TTN: variants seen among roughly 807,000 people sequenced by gnomAD.
The protein encoded by TTN is titin.
A neutral mutation model predicts 3,223.0 loss-of-function variants in TTN; 1,525 were observed. That is an observed-to-expected ratio of 0.47 (90% CI 0.45 to 0.49). The LOEUF is 0.49. Among genes scored for constraint, TTN ranks in the 20% least tolerant of loss-of-function variants. The probability of loss-of-function intolerance (pLI) is 0.00; values close to 1 mark genes in which losing one functional copy is unlikely to be tolerated. For synonymous variants in TTN, 14,094 were observed against 15,161.0 expected (o/e 0.93, Z 5.17); for missense variants, 40,786 against 43,424.0 (o/e 0.94, Z 5.40).
intron 151 of TTN, 78 bp downstream of exon 151, chr2:178,674,236 T>C: frequency 1.2e-6 from 1 of 820,252 alleles, no homozygotes; most frequent in South Asian, 1.5e-5. Context: ...AGCATACTGG[T>C]GAATCTTAGA....
Position 178,733,761 on chromosome 2 carries a change from C to G in TTN, c.15628G>C (p.Glu5210Gln). The G allele has an allele frequency of 6.2e-7, 1 of 1,613,848 alleles. No individual in the cohort carries two copies. Among genetic ancestry groups the G allele is most frequent in the Non-Finnish European group, 8.5e-7 (1 of 1,179,782 alleles). The change falls in exon 53 of 363, where the codon GAA (glutamate) becomes CAA (glutamine). Residue 5210 changes from glutamate to glutamine, a missense_variant. Coordinates refer to ENST00000589042, the MANE Select transcript of TTN (RefSeq NM_001267550.2). ...TWMKGQEVIR[E>Q]DGKIKMSFSN... ...AAGCTCATTTTGATTTTTCCGTCTT[C>G]TCTGATGACCTCTTGACCTTTCATC...
At position 178,555,550 on chromosome 2, in the gene TTN, C is replaced by A. The variant is rs1203480506; in HGVS notation, c.88307-398G>T. On this transcript the variant is annotated intron_variant, in intron 330 of 362. Transcript: ENST00000589042. Reference sequence around the variant, plus strand: ...TTTCCCATCCCAGTTCACTGATATCCAAGTGTGGATGGTTCATGTCAGACA... The same window carrying A: ...TTTCCCATCCCAGTTCACTGATATCAAAGTGTGGATGGTTCATGTCAGACA... The A allele has an allele frequency of 2.6e-5, 5 of 192,398 alleles. No homozygotes were observed. The East Asian group carries it at 8.7e-4, about 34-fold the overall frequency. The allele number at this position is 192,398 out of a possible 1,614,324, so 11.9% of individuals were successfully genotyped here.
In TTN at chr2:178,575,837, A is replaced by C; in HGVS notation, c.70295T>G (p.Val23432Gly). 1 of 1,613,228 alleles carries C rather than the reference A, an allele frequency of 6.2e-7. No individual in the cohort carries two copies. Among genetic ancestry groups the C allele is most frequent in the Non-Finnish European group, 8.5e-7 (1 of 1,179,562 alleles). ...GKKSGFVNVR[V>G]LDTPGPVLNL... ...GAGGACTGGGCCTGGCGTGTCCAAGACTCTGACGTTCACAAAGCCACTTTT... is the reference window on the plus strand; with the variant it reads ...GAGGACTGGGCCTGGCGTGTCCAAGCCTCTGACGTTCACAAAGCCACTTTT... Residue 23432 changes from valine (V) to glycine (G), a missense_variant, in exon 326 of 363, where the codon GTC becomes GGC. Coordinates refer to ENST00000589042, the MANE Select transcript of TTN (RefSeq NM_001267550.2). This position sits in a 1 kb window ranked among gnomAD's most constrained non-coding sequence, Gnocchi z 4.0.
At chr2:178,763,717 A>G (rs2089797944) in intron 43 of TTN, among the ~76,000 whole-genome samples, 1 of 152,218 alleles carries the variant, frequency 6.6e-6, no homozygotes, top group Non-Finnish European at 1.5e-5. Flanking sequence ...TTTGACCACT[A>G]TAGGATATTG....
chr2:178,684,246 C>CAAA (rs2154274467), intron 132 of TTN, 84 bp downstream of exon 132: 2 of 1,469,604 alleles, frequency 1.4e-6, no homozygotes, highest in Non-Finnish European at 1.9e-6. Context: ...ACAACAACAA[C>CAAA]AAAAACCAGC....
chr2:178,596,132 A>C (rs1326256871), intron 294 of TTN, among the ~76,000 whole-genome samples: 3 of 151,912 alleles, frequency 2.0e-5, no homozygotes, highest in African/African-American at 7.3e-5. Context: ...CTGGGACTAC[A>C]GGCATGTGCC....
Position 178,609,872 on chromosome 2 carries a change from A to G in TTN, c.51551T>C (p.Ile17184Thr), listed in dbSNP as rs752646731. 5.5e-5 allele frequency: 89 copies of G among 1,612,908 alleles called. No individual in the cohort carries two copies. Among genetic ancestry groups the G allele is most frequent in the South Asian group, 2.2e-4 (20 of 91,048 alleles). Residue 17184 changes from isoleucine to threonine, a missense_variant, in exon 272 of 363, where the codon ATA becomes ACA. Physicochemically the swap from Ile to Thr is moderately conservative, Grantham distance 89. Transcript: ENST00000589042. ...TTCTTCACCCTTAGCAATCTTCTCT[A>G]TGATGTAGCCCATTATCTTGCTCCC... is the stretch of plus-strand genomic sequence containing the variant. Reference protein sequence around the residue: ...DGGSKIMGYIIEKIAKGEERW... With the variant: ...DGGSKIMGYITEKIAKGEERW...
rs772804949 is a variant in TTN, at chr2:178,532,150, G to A, written c.104465C>T (p.Ser34822Leu). 1.9e-6 allele frequency: 3 copies of A among 1,613,828 alleles called. No homozygotes were observed. In the Admixed American group the frequency reaches 5.0e-5, roughly 27 times the overall value. ...ITEIEEEYEI[S>L]KHAQRESSSS... ...GGATGATTCTCTTTGAGCATGTTTT[G>A]AGATTTCGTATTCTTCCTCAATTTC... Residue 34822 changes from serine to leucine, a missense_variant, in exon 358 of 363, where the codon TCA becomes TTA. Coordinates refer to ENST00000589042, the MANE Select transcript of TTN (RefSeq NM_001267550.2).
At chr2:178,794,815 T>C (rs1035153626) in intron 7 of TTN, 107 bp downstream of exon 7, 16 of 1,435,536 alleles carry the variant, frequency 1.1e-5, no homozygotes, top group Non-Finnish European at 1.5e-5. Context: ...ATTTTTATGT[T>C]CATATGCATT....
rs1236098527 is a variant in TTN at position 178,565,736 on chromosome 2, A to C, written c.80396T>G (p.Leu26799Arg). ...LTDVSQTSAS[L>R]MWEKPEHDGG... ...ATCATGTTCAGGTTTCTCCCACATAAGTGATGCACTGGTCTGGGACACATC... is the reference window on the plus strand; with the variant it reads ...ATCATGTTCAGGTTTCTCCCACATACGTGATGCACTGGTCTGGGACACATC... The change falls in exon 326 of 363, where the codon CTT becomes CGT. Residue 26799 changes from leucine (L) to arginine (R), a missense_variant. By Grantham distance (102) the Leu-to-Arg change is moderately radical (BLOSUM62 -2). Transcript: ENST00000589042. The C allele has an allele frequency of 5.6e-6, 9 of 1,613,582 alleles. No homozygotes were observed. Among genetic ancestry groups the C allele is most frequent in the Non-Finnish European group, 7.6e-6 (9 of 1,179,626 alleles).
chr2:178,750,741 C>T (rs1226394086), intron 47 of TTN: 1 of 1,612,724 alleles, frequency 6.2e-7, no homozygotes, highest in South Asian at 1.1e-5. Flanking sequence ...TCAACATTTA[C>T]AAGTGTACCA....
At position 178,543,272 on chromosome 2, in the gene TTN, A is replaced by T; in HGVS notation, c.96701T>A (p.Leu32234His). The part of the protein sequence containing the change: ...EKPLYDGGSR[L>H]TGYVLEACKA... ...GCAGGCCTCGAGAACATATCCAGTGAGTCGGCTACCACCATCGTAGAGTGG... is the reference window on the plus strand; with the variant it reads ...GCAGGCCTCGAGAACATATCCAGTGTGTCGGCTACCACCATCGTAGAGTGG... The change falls in exon 347 of 363, where the codon CTC becomes CAC. Residue 32234 changes from leucine to histidine, a missense_variant. Transcript: ENST00000589042. 6.2e-7 allele frequency: 1 copy of T among 1,613,814 alleles called. No individual in the cohort carries two copies. Among genetic ancestry groups the T allele is most frequent in the Non-Finnish European group, 8.5e-7 (1 of 1,179,772 alleles).
chr2:178,603,980 A>C lies in TTN; in HGVS notation c.54707T>G (p.Leu18236Trp). 1 of 1,612,826 alleles carries C rather than the reference A, an allele frequency of 6.2e-7. No homozygotes were observed. The highest frequency in any genetic ancestry group is 1.1e-5 in the South Asian group (1 of 91,024). ...LKGVEFNVPRLLEGVKYQFRA... is the reference protein window; with the variant it reads ...LKGVEFNVPRWLEGVKYQFRA... ...GAACTGGTATTTAACGCCTTCAAGC[A>C]AACGAGGAACATTAAATTCCACGCC... The change falls in exon 282 of 363, where the codon TTG becomes TGG. Residue 18236 changes from leucine to tryptophan, a missense_variant. Leu to Trp is a moderately conservative substitution (Grantham distance 61). Coordinates refer to ENST00000589042, the MANE Select transcript of TTN (RefSeq NM_001267550.2).
At position 178,672,229 on chromosome 2, in the gene TTN, G is replaced by T; in HGVS notation, c.34969C>A (p.Arg11657Ser). 3 of 1,567,196 alleles carry T rather than the reference G, an allele frequency of 1.9e-6. No homozygotes were observed. The highest frequency in any genetic ancestry group is 3.3e-4 in the Middle Eastern group (2 of 6,012). ...VLEEKVSVAFRQEVVVKERLE... is the reference protein window; with the variant it reads ...VLEEKVSVAFSQEVVVKERLE... ...CTTTCTTTTACTACTACTTCTTGGC[G>T]GAAGGCAACTGATACTTTTTCTTCA... Residue 11657 changes from arginine (R) to serine (S), a missense_variant, in exon 155 of 363, where the codon CGC becomes AGC. Coordinates refer to ENST00000589042, the MANE Select transcript of TTN (RefSeq NM_001267550.2).
In TTN at chr2:178,651,932, G is replaced by A. The variant is rs1346687417; in HGVS notation, c.39331C>T (p.Pro13111Ser). 2.5e-6 allele frequency: 4 copies of A among 1,610,184 alleles called. No individual in the cohort carries two copies. The highest frequency in any genetic ancestry group is 3.4e-6 in the Non-Finnish European group (4 of 1,178,202). The change falls in exon 205 of 363, where the codon CCT (proline) becomes TCT (serine). Residue 13111 changes from proline to serine, a missense_variant. Transcript: ENST00000589042. Reference protein sequence around the residue: ...EEPEEVALEEPPAEVVEEPEP... With the variant: ...EEPEEVALEESPAEVVEEPEP... ...GGCTCTTCCACAACTTCAGCAGGAG[G>A]CTCTTCTAGGGCAACTTCCTCAGGC...
rs1301566986 is a variant in TTN at position 178,533,840 on chromosome 2, C to T, written c.102775G>A (p.Glu34259Lys). ...DTMRLLERPP[E>K]FTLPLYNKTA... The stretch of plus-strand genomic sequence containing the variant: ...TTATTATAGAGAGGCAGGGTAAATT[C>T]TGGTGGCCTTTCCAGGAGTCTCATT... The change falls in exon 358 of 363, where the codon GAA becomes AAA. Residue 34259 changes from glutamate (E) to lysine (K), a missense_variant. By Grantham distance (56) the Glu-to-Lys change is moderately conservative. Coordinates refer to ENST00000589042, the MANE Select transcript of TTN (RefSeq NM_001267550.2). 1.2e-6 allele frequency: 2 copies of T among 1,613,842 alleles called. No individual in the cohort carries two copies. The highest frequency in any genetic ancestry group is 1.7e-6 in the Non-Finnish European group (2 of 1,179,880).
At position 178,724,392 on chromosome 2, in the gene TTN, T is replaced by A; in HGVS notation, c.20983A>T (p.Lys6995Ter). Residue 6995 changes from lysine (K) to a stop codon, truncating the protein, a stop_gained, in exon 72 of 363, where the codon AAA becomes TAA. Coordinates refer to ENST00000589042, the MANE Select transcript of TTN (RefSeq NM_001267550.2). LOFTEE classifies it high-confidence loss of function. The stretch of plus-strand genomic sequence containing the variant: ...GAGATTTTGTTGTAGAAGCTAAATT[T>A]GTGTTTTTGGCTGCTGGTCAACAGC... ...GKLLTSSQKH[K>*]FSFYNKISSL... The A allele has an allele frequency of 6.2e-7, 1 of 1,613,566 alleles. No individual in the cohort carries two copies. The highest frequency in any genetic ancestry group is 8.5e-7 in the Non-Finnish European group (1 of 1,179,608).
chr2:178,630,413 T>G, intron 238 of TTN, 46 bp from the exon 239 acceptor site: 1 of 1,542,112 alleles, frequency 6.5e-7, no homozygotes, highest in Non-Finnish European at 8.7e-7. Context: ...TAATTTTCTT[T>G]GAAATTTTGT....
At chr2:178,631,485 G>A (rs1340490533) in intron 236 of TTN, among the ~76,000 whole-genome samples, 185 bp from the exon 237 acceptor site, 1 of 152,028 alleles carries the variant, frequency 6.6e-6, no homozygotes, top group Admixed American at 6.6e-5. Context: ...CAGTGTGTGG[G>A]ATTTATCAAG....
Sources: allele counts gnomAD v4.1 joint callset (sites outside exome capture counted in the v4.1 genomes callset), GRCh38; gene constraint gnomAD v4.1.1; non-coding constraint Gnocchi (gnomAD v3.1); transcripts MANE v1.5; gene names NCBI Gene and HGNC (gene_info 2026-07-23, HGNC 2026-07-21).